The following MRPL47 variants were observed in gnomAD, a reference collection of about 807,000 sequenced individuals.
The protein encoded by MRPL47 is mitochondrial ribosomal protein L47.
Under a neutral mutation model 34.0 loss-of-function variants are expected in MRPL47, and 31 were observed. The ratio of observed to expected loss-of-function variants is 0.91; its 90% CI spans 0.68 to 1.23. MRPL47 has a LOEUF of 1.23. MRPL47 is among the 50% of genes most tolerant of loss of function. The pLI is 0.00. For synonymous variants in MRPL47, 106 were observed against 101.6 expected, an observed-to-expected ratio of 1.04 and a Z score of -0.26; for missense variants, 328 against 285.8, an observed-to-expected ratio of 1.15 and a Z score of -1.07.
At chr3:179,597,065 G>C (rs1718804017) in intron 4 of MRPL47, among the ~76,000 whole-genome samples, 1 of 152,206 alleles carries the variant, frequency 6.6e-6, no homozygotes, top group Non-Finnish European at 1.5e-5. Context: ...ACTGTGTATG[G>C]AGGACTGATA....
intron 6 of MRPL47, among the ~76,000 whole-genome samples, chr3:179,589,331 G>A (rs1718611488): frequency 6.6e-6 from 1 of 152,194 alleles, no homozygotes; most frequent in Non-Finnish European, 1.5e-5. Context: ...GAAATGATAA[G>A]CTAGAGTGAG....
intron 6 of MRPL47, among the ~76,000 whole-genome samples, chr3:179,591,977 C>A (rs549871225): frequency 2.7e-4 from 41 of 152,084 alleles, no homozygotes; most frequent in African/African-American, 9.2e-4. Flanking sequence ...AGATTACAGG[C>A]ACATGCTACC....
chr3:179,602,923 T>A (rs1718962631), intron 1 of MRPL47, 126 bp from the exon 2 acceptor site: 8 of 792,730 alleles, frequency 1.0e-5, no homozygotes, highest in Non-Finnish European at 1.4e-5. Flanking sequence ...ACTCAGGGTT[T>A]CTGCACAAGA....
At chr3:179,593,077 G>A (rs1421055463) in intron 5 of MRPL47, among the ~76,000 whole-genome samples, 2 of 152,000 alleles carry the variant, frequency 1.3e-5, no homozygotes, top group African/African-American at 4.8e-5. Flanking sequence ...TTTCTGAGGG[G>A]AGGTTTATTT....
chr3:179,603,063 T>C (rs1234382808), intron 1 of MRPL47, among the ~76,000 whole-genome samples: 2 of 151,650 alleles, frequency 1.3e-5, no homozygotes, highest in African/African-American at 2.4e-5. Context: ...TGAGCCACCA[T>C]GCTTGGCCAC....
At chr3:179,589,519 A>C (rs1444314988) in intron 6 of MRPL47, among the ~76,000 whole-genome samples, 2 of 152,250 alleles carry the variant, frequency 1.3e-5, no homozygotes. Context: ...CTTGACCTGT[A>C]GGGTCAACTT....
chr3:179,589,183 A>T (rs1030057575), intron 6 of MRPL47, among the ~76,000 whole-genome samples, 188 bp from the exon 7 acceptor site: 2 of 152,194 alleles, frequency 1.3e-5, no homozygotes, highest in African/African-American at 4.8e-5. Flanking sequence ...GAGCATCTGA[A>T]ACCCTATACC....
intron 4 of MRPL47, among the ~76,000 whole-genome samples, chr3:179,594,462 T>C (rs557361199): frequency 2.4e-4 from 36 of 152,202 alleles, no homozygotes; most frequent in Non-Finnish European, 2.9e-4. Flanking sequence ...TGTTTTATAA[T>C]GTATATATTG....
Position 179,588,993 on chromosome 3 carries a change from AGTCT to A in MRPL47, c.630-2_631del. 6.3e-7 allele frequency: 1 copy of A among 1,597,230 alleles called. No individual in the cohort carries two copies. The highest frequency in any genetic ancestry group is 1.8e-5 in the Admixed American group (1 of 54,582). On this transcript the variant is annotated splice_acceptor_variant and coding_sequence_variant, in exon 7 of 7. Transcript: ENST00000476781. LOFTEE classifies it high-confidence loss of function. ...GATGCGGGCTCGTTTCTCACGTTCC[AGTCT>A]AGAATAAAAAAAGCGTAACAGCAAT...
intron 6 of MRPL47, among the ~76,000 whole-genome samples, chr3:179,590,975 T>C (rs1339677199): frequency 1.3e-5 from 2 of 152,186 alleles, no homozygotes; most frequent in African/African-American, 4.8e-5. Context: ...GCTGGTTCAG[T>C]AGGGAGATGA....
At position 179,600,511 on chromosome 3, in the gene MRPL47, ATGAGCCTATAATCCCAGCTACT is replaced by A. The variant is rs568678131; in HGVS notation, c.305+1197_305+1218del. On this transcript the variant is annotated intron_variant, in intron 3 of 6. Coordinates refer to ENST00000476781, the MANE Select transcript of MRPL47 (RefSeq NM_020409.3). ...CAAAAATTTAGCTGGGCATGGCAGC[ATGAGCCTATAATCCCAGCTACT>A]TGAGAGGCTGAGGCATGAGAATTGC... is the stretch of plus-strand genomic sequence containing the variant. Among the ~76,000 whole-genome samples, 13 of 152,256 alleles carry A rather than the reference ATGAGCCTATAATCCCAGCTACT, an allele frequency of 8.5e-5. 1 individual carries two copies. The East Asian group carries it at 2.5e-3, about 29-fold the overall frequency.
At chr3:179,598,792 C>T in intron 3 of MRPL47, 21 bp from the exon 4 acceptor site, 2 of 1,442,132 alleles carry the variant, frequency 1.4e-6, no homozygotes, top group Non-Finnish European at 2.0e-6. Context: ...GAACACAAAC[C>T]TTGTGATGCT....
intron 4 of MRPL47, among the ~76,000 whole-genome samples, chr3:179,596,614 C>T (rs1029685760): frequency 4.6e-5 from 7 of 152,158 alleles, no homozygotes; most frequent in Admixed American, 2.0e-4. Context: ...CATCAAATAA[C>T]GTGTTCTTTA....
intron 5 of MRPL47, among the ~76,000 whole-genome samples, chr3:179,593,352 G>A (rs192343496): frequency 1.8e-4 from 28 of 152,318 alleles, no homozygotes; most frequent in African/African-American, 6.0e-4. Context: ...ATAGTTCCAG[G>A]TTCTCAATGT....
At position 179,588,906 on chromosome 3, in the gene MRPL47, T is replaced by A; in HGVS notation, c.719A>T (p.His240Leu). The change falls in exon 7 of 7, where the codon CAT becomes CTT. Residue 240 changes from histidine to leucine, a missense_variant. His to Leu is a moderately conservative substitution (Grantham distance 99, BLOSUM62 -3). Transcript: ENST00000476781. ...KAKILLKKFP[H>L]LAEAQKSSLV is the part of the protein sequence containing the mutation. ...ACTTGACTTTTGGGCTTCAGCAAGA[T>A]GTGGAAACTTTTTTAAAAGAATTTT... 6.2e-7 allele frequency: 1 copy of A among 1,613,734 alleles called. No individual in the cohort carries two copies. Among genetic ancestry groups the A allele is most frequent in the Non-Finnish European group, 8.5e-7 (1 of 1,179,792 alleles).
intron 6 of MRPL47, 27 bp downstream of exon 6, chr3:179,592,617 T>C (rs1718701815): frequency 1.5e-6 from 2 of 1,353,250 alleles, no homozygotes; most frequent in Non-Finnish European, 2.1e-6. Context: ...AAAGATAATA[T>C]GTTTTATTAA....
intron 6 of MRPL47, among the ~76,000 whole-genome samples, chr3:179,590,731 C>T (rs1718656018): frequency 6.6e-6 from 1 of 150,788 alleles, no homozygotes; most frequent in African/African-American, 2.4e-5. Context: ...GGAAAATTAG[C>T]CAGGAAGCAA....
Position 179,588,975 on chromosome 3 carries a change from G to A in MRPL47, c.650C>T (p.Ala217Val). ...HFLRLEREKR[A>V]RIKARKENLE... is the part of the protein sequence containing the mutation. ...ATTTTCCTTCCGTGCTTTGATGCGG[G>A]CTCGTTTCTCACGTTCCAGTCTAGA... Residue 217 changes from alanine (A) to valine (V), a missense_variant, in exon 7 of 7, where the codon GCC becomes GTC. By Grantham distance (64) the Ala-to-Val change is moderately conservative. Transcript: ENST00000476781. 1 of 1,611,432 alleles carries A rather than the reference G, an allele frequency of 6.2e-7. No individual in the cohort carries two copies. The highest frequency in any genetic ancestry group is 8.5e-7 in the Non-Finnish European group (1 of 1,178,850).
chr3:179,602,132 T>G (rs1277295735), intron 2 of MRPL47, among the ~76,000 whole-genome samples: 4 of 152,112 alleles, frequency 2.6e-5, no homozygotes, highest in African/African-American at 9.7e-5. Context: ...ATCACCTGAG[T>G]TTGGGAGTTC....
Sources: allele counts gnomAD v4.1 joint callset (sites outside exome capture counted in the v4.1 genomes callset), GRCh38; gene constraint gnomAD v4.1.1; transcripts MANE v1.5; gene names NCBI Gene and HGNC (gene_info 2026-07-23, HGNC 2026-07-21).